The following MARCHF1 variants were observed in gnomAD, a reference collection of about 807,000 sequenced individuals.
The protein encoded by MARCHF1 is membrane associated ring-CH-type finger 1, also known as E3 ubiquitin-protein ligase MARCHF1.
In MARCHF1, 40 loss-of-function variants were observed where a neutral mutation model predicts 54.2. The ratio of observed to expected loss-of-function variants is 0.74; its 90% CI spans 0.57 to 0.96. The LOEUF (loss-of-function observed/expected upper bound fraction) is 0.96. MARCHF1 is among the 40% of genes least tolerant of loss of function. The probability of loss-of-function intolerance (pLI) is 0.00; values close to 1 mark genes in which losing one functional copy is unlikely to be tolerated. For synonymous variants in MARCHF1, 236 were observed against 236.3 expected (o/e 1.00, Z 0.01); for missense variants, 586 against 656.5 (o/e 0.89, Z 1.17).
intron 3 of MARCHF1, among the ~76,000 whole-genome samples, chr4:163,908,100 G>A (rs1034253658): frequency 6.6e-6 from 1 of 152,080 alleles, no homozygotes; most frequent in African/African-American, 2.4e-5. Context: ...TCATCTCACA[G>A]GATTAATTCA....
chr4:164,189,552 T>G, intron 1 of MARCHF1: 1 of 893,490 alleles, frequency 1.1e-6, no homozygotes, highest in Middle Eastern at 2.2e-4. Flanking sequence ...CAGATGAAGC[T>G]GTAGTGCATG....
chr4:164,107,046 A>G (rs183246185), intron 2 of MARCHF1, among the ~76,000 whole-genome samples: 95 of 152,314 alleles, frequency 6.2e-4, no homozygotes, highest in Middle Eastern at 3.4e-3. Context: ...AACCTAAAGG[A>G]GAAAAATATT....
At position 163,787,330 on chromosome 4, in the gene MARCHF1, A is replaced by G. The variant is rs566513426; in HGVS notation, c.111+66691T>C. Reference sequence around the variant, plus strand: ...ACAAAATATTTGGAAAACACATGACATATAAGGGGTTACTATCCAAAATAT... The same window carrying G: ...ACAAAATATTTGGAAAACACATGACGTATAAGGGGTTACTATCCAAAATAT... On this transcript the variant is annotated intron_variant, in intron 4 of 9. Coordinates refer to ENST00000514618, the MANE Select transcript of MARCHF1 (RefSeq NM_001394959.1). Among the ~76,000 whole-genome samples the G allele has an allele frequency of 2.8e-4, 42 of 151,922 alleles. 2 individuals are homozygous for G. The South Asian group carries it at 8.5e-3, about 31-fold the overall frequency.
At chr4:163,803,950 A>G (rs1748154898) in intron 4 of MARCHF1, among the ~76,000 whole-genome samples, 2 of 152,220 alleles carry the variant, frequency 1.3e-5, no homozygotes, top group Admixed American at 1.3e-4. Context: ...GCTTCTTAAG[A>G]CATGTGACAT....
At chr4:164,144,064 G>C (rs911355651) in intron 1 of MARCHF1, among the ~76,000 whole-genome samples, 4 of 152,280 alleles carry the variant, frequency 2.6e-5, no homozygotes, top group African/African-American at 9.6e-5. Flanking sequence ...AAGATCAAAA[G>C]AGACAAAGGA....
chr4:163,685,465 A>G (rs1744237932), intron 5 of MARCHF1, among the ~76,000 whole-genome samples: 1 of 151,904 alleles, frequency 6.6e-6, no homozygotes, highest in Non-Finnish European at 1.5e-5. Context: ...TTTTATTTTT[A>G]TTGTCTTAGA....
chr4:163,528,629 G>GT lies in MARCHF1; in HGVS notation c.*118dup. 9.7e-7 allele frequency: 1 copy of GT among 1,029,254 alleles called. No individual in the cohort carries two copies. The allele number at this position is 1,029,254 out of a possible 1,614,324, so 63.8% of individuals were successfully genotyped here. On this transcript the variant is annotated 3_prime_UTR_variant, in exon 10 of 10. Transcript: ENST00000514618. ...CTCTTTGAACAAAGTCAGGAAAAAT[G>GT]TGTCAGTAGGAGAAAGGAGGAGCTG...
intron 1 of MARCHF1, among the ~76,000 whole-genome samples, chr4:164,176,986 A>C (rs866302221): frequency 0.017 from 1,113 of 64,464 alleles, 29 homozygotes; most frequent in East Asian, 0.093. Context: ...CTCTCTATAT[A>C]TATATATATA....
intron 3 of MARCHF1, among the ~76,000 whole-genome samples, chr4:163,944,132 A>AT (rs1560830106): frequency 1.7e-5 from 1 of 58,748 alleles, no homozygotes; most frequent in African/African-American, 5.6e-5. Context: ...GCACCGGGCT[A>AT]ATTTTTTTTT....
At chr4:164,343,086 A>G (rs2110851539) in intron 1 of MARCHF1, among the ~76,000 whole-genome samples, 1 of 152,278 alleles carries the variant, frequency 6.6e-6, no homozygotes, top group South Asian at 2.1e-4. Flanking sequence ...ATAGTTAATA[A>G]TAATGTATTT....
chr4:163,701,468 T>C (rs1339674820), intron 4 of MARCHF1, among the ~76,000 whole-genome samples: 1 of 152,190 alleles, frequency 6.6e-6, no homozygotes, highest in Non-Finnish European at 1.5e-5. Context: ...AATTTTTTTA[T>C]TTAGCAGAAA....
At chr4:164,342,117 A>G (rs1312499047) in intron 1 of MARCHF1, among the ~76,000 whole-genome samples, 7 of 152,200 alleles carry the variant, frequency 4.6e-5, no homozygotes, top group Admixed American at 4.6e-4. Context: ...AAAAAAAGAC[A>G]TATAACCAGA....
chr4:163,767,227 GA>G (rs1747005427), intron 4 of MARCHF1, among the ~76,000 whole-genome samples: 1 of 151,186 alleles, frequency 6.6e-6, no homozygotes, highest in Non-Finnish European at 1.5e-5. Flanking sequence ...AATCCAGACA[GA>G]AAAACTTCTT....
At position 163,832,239 on chromosome 4, in the gene MARCHF1, C is replaced by A. The variant is rs576928314; in HGVS notation, c.111+21782G>T. On this transcript the variant is annotated intron_variant, in intron 4 of 9. Coordinates refer to ENST00000514618, the MANE Select transcript of MARCHF1 (RefSeq NM_001394959.1). ...CCTCTATGGAGATATAGAATACGTG[C>A]AGATTCATGAGAATAAAGAACAAAT... Among the ~76,000 whole-genome samples, 216 of 152,228 alleles carry A rather than the reference C, an allele frequency of 1.4e-3. 5 individuals are homozygous for A. The highest frequency in any genetic ancestry group is 0.014 in the Admixed American group (215 of 15,288).
At chr4:163,834,358 T>C (rs2111108257) in intron 4 of MARCHF1, among the ~76,000 whole-genome samples, 1 of 152,226 alleles carries the variant, frequency 6.6e-6, no homozygotes, top group East Asian at 1.9e-4. Context: ...ATATTTATAA[T>C]TACAAAAGGA....
chr4:164,251,528 C>T (rs907148476), intron 1 of MARCHF1, among the ~76,000 whole-genome samples: 6 of 152,122 alleles, frequency 3.9e-5, no homozygotes, highest in African/African-American at 1.2e-4. Flanking sequence ...AAACAATGAT[C>T]CCTTTAATAC....
intron 2 of MARCHF1, among the ~76,000 whole-genome samples, chr4:164,087,313 C>A (rs1755210579): frequency 6.6e-6 from 1 of 151,982 alleles, no homozygotes; most frequent in African/African-American, 2.4e-5. Flanking sequence ...AGAACCATCC[C>A]TTATAGTGTG....
chr4:163,756,504 G>A (rs1746672727), intron 4 of MARCHF1, among the ~76,000 whole-genome samples: 1 of 151,480 alleles, frequency 6.6e-6, no homozygotes, highest in Non-Finnish European at 1.5e-5. Context: ...GTGGTGGCAC[G>A]TGCCTGTAGT....
intron 5 of MARCHF1, among the ~76,000 whole-genome samples, chr4:163,667,113 G>C (rs1743563262): frequency 1.3e-5 from 2 of 152,044 alleles, no homozygotes; most frequent in Non-Finnish European, 2.9e-5. Flanking sequence ...ACTGCTTGCA[G>C]ACATTCTGAT....
Sources: gnomAD v4.1 joint callset for allele counts (sites outside exome capture counted in the v4.1 genomes callset) on GRCh38, gnomAD v4.1.1 for gene constraint, MANE v1.5 for transcripts, NCBI Gene and HGNC (gene_info 2026-07-23, HGNC 2026-07-21) for gene names.